Variants in DGKG observed in about 807,000 individuals in gnomAD.
DGKG encodes diacylglycerol kinase gamma, also known as DAG kinase gamma.
A neutral mutation model predicts 105.3 loss-of-function variants in DGKG; 78 were observed. The observed-to-expected ratio is 0.74, with a 90% confidence interval of 0.62 to 0.89. The LOEUF (loss-of-function observed/expected upper bound fraction) is 0.89, where lower values mean the gene tolerates loss of function less well. Among genes scored for constraint, DGKG ranks in the 40% least tolerant of loss-of-function variants. The pLI is 0.00. For synonymous variants in DGKG, 346 were observed against 367.1 expected (o/e 0.94, Z 0.66); for missense variants, 958 against 1,020.1 (o/e 0.94, Z 0.83).
intron 20 of DGKG, among the ~76,000 whole-genome samples, chr3:186,228,952 A>T (rs1336019742): frequency 6.6e-6 from 1 of 152,172 alleles, no homozygotes; most frequent in African/African-American, 2.4e-5. Flanking sequence ...CTTATTTGGA[A>T]ATAGGGTCTT....
intron 5 of DGKG, among the ~76,000 whole-genome samples, chr3:186,292,725 C>G (rs1723367776): frequency 6.6e-6 from 1 of 151,814 alleles, no homozygotes; most frequent in African/African-American, 2.4e-5. Flanking sequence ...ACGCGGGAGG[C>G]AGAGGTCGGG....
intron 1 of DGKG, among the ~76,000 whole-genome samples, chr3:186,337,464 T>A (rs1725885036): frequency 6.6e-6 from 1 of 151,892 alleles, no homozygotes; most frequent in Non-Finnish European, 1.5e-5. Flanking sequence ...AAATGAAACC[T>A]CCTTTAACTT....
chr3:186,358,138 C>G (rs188676148), intron 1 of DGKG, among the ~76,000 whole-genome samples: 1 of 152,232 alleles, frequency 6.6e-6, no homozygotes, highest in East Asian at 1.9e-4. Context: ...TTCGTTCATT[C>G]GTCACATTTA....
chr3:186,297,434 A>C lies in DGKG; in HGVS notation c.360T>G (p.Cys120Trp). ...CCAAAGACTTACCAGTATCAGGGGC[A>C]CAGGCCTCGTCTGCTTTGGTGGCAT... ...ADNATKADEA[C>W]APDTESNMAE... The change falls in exon 5 of 25, where the codon TGT becomes TGG. Residue 120 changes from cysteine to tryptophan, a missense_variant. Physicochemically the swap from Cys to Trp is radical, Grantham distance 215. Coordinates refer to ENST00000265022, the MANE Select transcript of DGKG (RefSeq NM_001346.3). 4.3e-6 allele frequency: 7 copies of C among 1,612,332 alleles called. No homozygotes were observed. The highest frequency in any genetic ancestry group is 5.9e-6 in the Non-Finnish European group (7 of 1,178,334).
chr3:186,299,767 CTCTT>C (rs56331660), intron 3 of DGKG, among the ~76,000 whole-genome samples: 1,574 of 95,508 alleles, frequency 0.016, 53 homozygotes, highest in East Asian at 0.042. Flanking sequence ...TTCTTCTTTT[CTCTT>C]TCTTTCTTTC....
intron 3 of DGKG, among the ~76,000 whole-genome samples, chr3:186,303,632 C>T (rs1016344654): frequency 6.6e-6 from 1 of 152,154 alleles, no homozygotes; most frequent in African/African-American, 2.4e-5. Flanking sequence ...CAGAGCTGGG[C>T]TTTGTGATCA....
intron 17 of DGKG, among the ~76,000 whole-genome samples, chr3:186,257,446 G>C (rs1048196453): frequency 1.3e-5 from 2 of 152,136 alleles, no homozygotes; most frequent in Admixed American, 1.3e-4. Context: ...CTGGACTCAG[G>C]CTCCGGGTGT....
intron 15 of DGKG, among the ~76,000 whole-genome samples, chr3:186,261,409 C>T (rs1026866666): frequency 1.3e-5 from 2 of 152,208 alleles, no homozygotes; most frequent in Non-Finnish European, 2.9e-5. Flanking sequence ...CATCTCAGAG[C>T]GTGGTCTAAC....
intron 22 of DGKG, among the ~76,000 whole-genome samples, chr3:186,174,777 T>C (rs13077618): frequency 1 from 151,987 of 152,008 alleles, 75,983 homozygotes; most frequent in Non-Finnish European, 1. Flanking sequence ...GTTCTAGACA[T>C]CTTTAAGGCA....
At chr3:186,358,752 T>C (rs554708901) in intron 1 of DGKG, among the ~76,000 whole-genome samples, 8 of 152,198 alleles carry the variant, frequency 5.3e-5, no homozygotes, top group Non-Finnish European at 7.4e-5. Flanking sequence ...TTGGTACAAA[T>C]AAACAACTCT....
intron 20 of DGKG, among the ~76,000 whole-genome samples, chr3:186,236,105 T>C (rs934602013): frequency 3.9e-5 from 6 of 152,112 alleles, no homozygotes; most frequent in Non-Finnish European, 7.3e-5. Flanking sequence ...GTGAAGGGGA[T>C]TTCCTCTAGA....
At chr3:186,300,960 C>T (rs1435597408) in intron 3 of DGKG, among the ~76,000 whole-genome samples, 1 of 152,220 alleles carries the variant, frequency 6.6e-6, no homozygotes, top group African/African-American at 2.4e-5. Context: ...TTAGCTTGCT[C>T]CCTGAAAACC....
chr3:186,317,726 C>T (rs1171512132), intron 2 of DGKG, among the ~76,000 whole-genome samples: 1 of 152,212 alleles, frequency 6.6e-6, no homozygotes, highest in Non-Finnish European at 1.5e-5. Flanking sequence ...GGGCCTTCTC[C>T]TCCCATGCTG....
chr3:186,223,056 T>TAAA (rs1719675493), intron 20 of DGKG, among the ~76,000 whole-genome samples: 1 of 139,152 alleles, frequency 7.2e-6, no homozygotes, highest in Non-Finnish European at 1.6e-5. Flanking sequence ...TACACTCCAA[T>TAAA]AAAGGCACAG....
At chr3:186,358,040 T>C (rs1727054305) in intron 1 of DGKG, among the ~76,000 whole-genome samples, 1 of 152,256 alleles carries the variant, frequency 6.6e-6, no homozygotes. Context: ...GGTATATTTC[T>C]GGGACTGACT....
At chr3:186,221,831 C>A (rs1191123337) in intron 20 of DGKG, among the ~76,000 whole-genome samples, 3 of 152,182 alleles carry the variant, frequency 2.0e-5, no homozygotes, top group African/African-American at 7.2e-5. Context: ...CAGAGGCAAA[C>A]CCTGGAAGCA....
chr3:186,321,888 C>T (rs960132182), intron 1 of DGKG, among the ~76,000 whole-genome samples: 1 of 152,182 alleles, frequency 6.6e-6, no homozygotes, highest in Non-Finnish European at 1.5e-5. Flanking sequence ...GTTCTAGTCT[C>T]TCGCCCTGAG....
chr3:186,266,294 T>C (rs569979413), intron 13 of DGKG, among the ~76,000 whole-genome samples: 7 of 152,366 alleles, frequency 4.6e-5, no homozygotes, highest in South Asian at 2.1e-4. Context: ...TCCATGTTTT[T>C]ACTCTATGCA....
At position 186,159,243 on chromosome 3, in the gene DGKG, A is replaced by G. The variant is rs1480712846; in HGVS notation, c.2277+2360T>C. The G allele has an allele frequency of 3.9e-5, 6 of 152,004 alleles. No homozygotes were observed. In the South Asian group the frequency reaches 6.2e-4, roughly 16 times the overall value. 9.4% of individuals were successfully genotyped at this position (152,004 alleles called of 1,614,324 possible). On this transcript the variant is annotated intron_variant, in intron 24 of 24. Coordinates refer to ENST00000265022, the MANE Select transcript of DGKG (RefSeq NM_001346.3). ...CCTGTGCTACATTAATAGGGTTTAT[A>G]TATTTTAAATTCTTCCAGATTTGAA...
Sources: gnomAD v4.1 joint callset for allele counts (sites outside exome capture counted in the v4.1 genomes callset) on GRCh38, gnomAD v4.1.1 for gene constraint, MANE v1.5 for transcripts, NCBI Gene and HGNC (gene_info 2026-07-23, HGNC 2026-07-21) for gene names.